CENPP: variants seen among roughly 807,000 people sequenced by gnomAD.
CENPP encodes the protein centromere protein P.
A neutral mutation model predicts 35.6 loss-of-function variants in CENPP; 24 were observed. The ratio of observed to expected loss-of-function variants is 0.67; its 90% CI spans 0.49 to 0.95. The LOEUF (loss-of-function observed/expected upper bound fraction) is 0.95. Ranked by LOEUF, CENPP falls within the 40% of genes least tolerant of loss-of-function variation. CENPP has a pLI of 0.00. For synonymous variants in CENPP, 120 were observed against 125.5 expected (o/e 0.96, Z 0.29); for missense variants, 332 against 345.3 (o/e 0.96, Z 0.31).
chr9:92,326,098 C>A lies in CENPP; in HGVS notation c.100C>A (p.Arg34=). The A allele has an allele frequency of 1.9e-6, 3 of 1,548,074 alleles. No individual in the cohort carries two copies. Among genetic ancestry groups the A allele is most frequent in the African/African-American group, 1.4e-5 (1 of 72,478 alleles). ...ACCGGCGCCCTGGGAAGAGAAGTCC[C>A]GAGTCCAGTACGTGACCACCCCAAG... ...DPPAPWEEKS[R]VQKSFQAIHQ... Residue 34 remains arginine (R), a synonymous_variant, in exon 1 of 8, where the codon CGA becomes AGA. Transcript: ENST00000375587.
chr9:92,578,889 G>C (rs184296233), intron 5 of CENPP, among the ~76,000 whole-genome samples: 5 of 152,296 alleles, frequency 3.3e-5, no homozygotes, highest in Admixed American at 3.3e-4. Context: ...CCTATGTCCT[G>C]AATGGTAATA....
At chr9:92,333,500 A>G (rs1326538142) in intron 2 of CENPP, among the ~76,000 whole-genome samples, 2 of 152,272 alleles carry the variant, frequency 1.3e-5, no homozygotes, top group Non-Finnish European at 2.9e-5. Flanking sequence ...GATTTCAGAC[A>G]GGGACATCAC....
chr9:92,403,882 A>G, intron 5 of CENPP: 1 of 189,370 alleles, frequency 5.3e-6, no homozygotes, highest in Non-Finnish European at 9.8e-6. Flanking sequence ...ATGAACAGAA[A>G]CAAGTTCCAA....
intron 4 of CENPP, among the ~76,000 whole-genome samples, chr9:92,360,701 A>G (rs950531042): frequency 6.6e-6 from 1 of 151,790 alleles, no homozygotes; most frequent in Non-Finnish European, 1.5e-5. Flanking sequence ...TTTTATTTTT[A>G]TTTATTTATT....
chr9:92,567,110 A>G (rs74457370), intron 5 of CENPP, among the ~76,000 whole-genome samples: 16,195 of 152,022 alleles, frequency 0.11, 934 homozygotes, highest in Middle Eastern at 0.15. Context: ...AAGCTGAGGG[A>G]GTATGTTACC....
chr9:92,412,671 G>A (rs1843476634), intron 5 of CENPP, among the ~76,000 whole-genome samples: 1 of 152,144 alleles, frequency 6.6e-6, no homozygotes. Context: ...TATCCATGTT[G>A]TAGCATATGT....
chr9:92,339,443 T>A (rs1232125374), intron 3 of CENPP, among the ~76,000 whole-genome samples: 3 of 152,144 alleles, frequency 2.0e-5, no homozygotes, highest in Non-Finnish European at 2.9e-5. Context: ...CATTTGCTAT[T>A]ACTGGCTCTG....
intron 5 of CENPP, among the ~76,000 whole-genome samples, chr9:92,447,051 A>G (rs999870302): frequency 5.3e-5 from 8 of 152,264 alleles, no homozygotes; most frequent in Middle Eastern, 3.4e-3. Flanking sequence ...AGTTGCTTGC[A>G]TGATTCAGCT....
intron 5 of CENPP, among the ~76,000 whole-genome samples, chr9:92,442,123 C>G (rs970249723): frequency 1.3e-5 from 2 of 151,850 alleles, no homozygotes; most frequent in Non-Finnish European, 2.9e-5. Context: ...CAAGGCCGGG[C>G]ACAGTGGCTC....
intron 5 of CENPP, among the ~76,000 whole-genome samples, chr9:92,606,257 G>A (rs1297421696): frequency 6.6e-6 from 1 of 152,020 alleles, no homozygotes; most frequent in African/African-American, 2.4e-5. Context: ...GTAAGATTCT[G>A]TCTTAAAAAA....
At chr9:92,405,101 A>G (rs1413425472) in intron 5 of CENPP, among the ~76,000 whole-genome samples, 1 of 152,182 alleles carries the variant, frequency 6.6e-6, no homozygotes, top group Non-Finnish European at 1.5e-5. Flanking sequence ...TTAGTTACAT[A>G]TAAGAAAAAC....
In CENPP at chr9:92,439,192, T is replaced by A. The variant is rs529075038; in HGVS notation, c.564+59333T>A. Among the ~76,000 whole-genome samples, 9 of 152,270 alleles carry A rather than the reference T, an allele frequency of 5.9e-5. No homozygotes were observed. In the South Asian group the frequency reaches 1.2e-3, roughly 21 times the overall value. Reference sequence around the variant, plus strand: ...ATTATTTTTGCTTCTAGTTAGAAGTTATTGGCTAAATTTTAAAAATATAAT... The same window carrying A: ...ATTATTTTTGCTTCTAGTTAGAAGTAATTGGCTAAATTTTAAAAATATAAT... On this transcript the variant is annotated intron_variant, in intron 5 of 7. Coordinates refer to ENST00000375587, the MANE Select transcript of CENPP (RefSeq NM_001012267.3).
At chr9:92,521,954 T>A (rs1230596899) in intron 5 of CENPP, among the ~76,000 whole-genome samples, 1 of 152,232 alleles carries the variant, frequency 6.6e-6, no homozygotes, top group Admixed American at 6.5e-5. Context: ...GTAAACATAC[T>A]GGAAAGAAAC....
Position 92,362,663 on chromosome 9 carries a change from A to C in CENPP, c.467+16876A>C, listed in dbSNP as rs571549657. 2.0e-5 allele frequency among the ~76,000 whole-genome samples: 3 copies of C among 152,188 alleles called. No individual in the cohort carries two copies. The South Asian group carries it at 6.2e-4, about 32-fold the overall frequency. On this transcript the variant is annotated intron_variant, in intron 4 of 7. Coordinates refer to ENST00000375587, the MANE Select transcript of CENPP (RefSeq NM_001012267.3). ...GGACAGACTTGATGACCACACAATT[A>C]CTACTCTTTATTAATATTTCTTCCT...
At chr9:92,516,279 G>A (rs1414571198) in intron 5 of CENPP, among the ~76,000 whole-genome samples, 5 of 152,032 alleles carry the variant, frequency 3.3e-5, no homozygotes, top group Non-Finnish European at 7.4e-5. Context: ...TGACCAGGCT[G>A]GTCTCGAACA....
intron 4 of CENPP, among the ~76,000 whole-genome samples, chr9:92,362,072 A>G (rs889941868): frequency 1.3e-5 from 2 of 152,140 alleles, no homozygotes; most frequent in South Asian, 2.1e-4. Context: ...CAAGTATTGC[A>G]TTTAGTTGTC....
chr9:92,384,786 G>T (rs1842359114), intron 5 of CENPP: 1 of 152,012 alleles, frequency 6.6e-6, no homozygotes, highest in South Asian at 2.1e-4. Flanking sequence ...TAGTATAAAA[G>T]GAAAATATTT....
At chr9:92,528,580 T>C (rs1848557711) in intron 5 of CENPP, among the ~76,000 whole-genome samples, 1 of 152,148 alleles carries the variant, frequency 6.6e-6, no homozygotes, top group Non-Finnish European at 1.5e-5. Flanking sequence ...AACAGGTCTC[T>C]GGAGCTTAAA....
intron 2 of CENPP, among the ~76,000 whole-genome samples, chr9:92,336,022 C>A (rs940904064): frequency 2.0e-4 from 30 of 152,316 alleles, no homozygotes; most frequent in Non-Finnish European, 4.1e-4. Flanking sequence ...TTTGTTTAAA[C>A]AATTCCACAT....
Sources: allele counts gnomAD v4.1 joint callset (sites outside exome capture counted in the v4.1 genomes callset), GRCh38; gene constraint gnomAD v4.1.1; transcripts MANE v1.5; gene names NCBI Gene and HGNC (gene_info 2026-07-23, HGNC 2026-07-21).